The following NNMT variants were observed in gnomAD, a reference collection of about 807,000 sequenced individuals.
NNMT encodes the protein nicotinamide N-methyltransferase.
NNMT carries 10 observed loss-of-function variants against 11.7 expected under a neutral mutation model. The observed-to-expected ratio is 0.85, with a 90% CI of 0.53 to 1.45. NNMT has a LOEUF of 1.45. NNMT is among the 40% of genes most tolerant of loss of function. NNMT has a pLI of 0.00. For missense variants in NNMT, 381 were observed against 319.4 expected, an observed-to-expected ratio of 1.19 and a Z score of -1.47; for synonymous variants, 143 against 133.8, an observed-to-expected ratio of 1.07 and a Z score of -0.48.
chr11:114,300,457 G>C lies in NNMT; in HGVS notation c.362+2299G>C, dbSNP rs187706564. ...CTGCATATGGTCTATCTCAGTAAAC[G>C]TTCTATGTGCTTTCTACATTGAAAA... On this transcript the variant is annotated intron_variant, in intron 2 of 2. Coordinates refer to ENST00000299964, the MANE Select transcript of NNMT (RefSeq NM_006169.3). Among the ~76,000 whole-genome samples, 183 of 152,216 alleles carry C rather than the reference G, an allele frequency of 1.2e-3. 1 individual carries two copies. Among genetic ancestry groups the C allele is most frequent in the Non-Finnish European group, 1.7e-3 (114 of 67,996 alleles).
chr11:114,264,391 C>T (rs561950493), intron 2 of NNMT, among the ~76,000 whole-genome samples: 9 of 152,292 alleles, frequency 5.9e-5, no homozygotes, highest in African/African-American at 2.2e-4. Flanking sequence ...AGTGGTTCCA[C>T]CATGCAAAAT....
intron 1 of NNMT, among the ~76,000 whole-genome samples, chr11:114,258,944 ACTT>A: frequency 6.6e-6 from 1 of 152,154 alleles, no homozygotes. Context: ...GGCTCTCTCA[ACTT>A]CTCCTTTTTC....
chr11:114,298,105 G>C lies in NNMT; in HGVS notation c.309G>C (p.Glu103Asp), dbSNP rs546752785. The C allele has an allele frequency of 6.2e-7, 1 of 1,614,184 alleles. No individual in the cohort carries two copies. Among genetic ancestry groups the C allele is most frequent in the African/African-American group, 1.3e-5 (1 of 75,054 alleles). ...ELEKWLKKEPEAFDWSPVVTY... is the reference protein window; with the variant it reads ...ELEKWLKKEPDAFDWSPVVTY... ...AGAAGTGGCTGAAGAAAGAGCCAGAGGCCTTTGACTGGTCCCCAGTGGTGA... is the reference window on the plus strand; with the variant it reads ...AGAAGTGGCTGAAGAAAGAGCCAGACGCCTTTGACTGGTCCCCAGTGGTGA... The change falls in exon 2 of 3, where the codon GAG (glutamate) becomes GAC (aspartate). Residue 103 changes from glutamate to aspartate, a missense_variant. Coordinates refer to ENST00000299964, the MANE Select transcript of NNMT (RefSeq NM_006169.3).
At chr11:114,299,661 G>A (rs1041728425) in intron 2 of NNMT, among the ~76,000 whole-genome samples, 8 of 152,174 alleles carry the variant, frequency 5.3e-5, no homozygotes, top group African/African-American at 1.2e-4. Flanking sequence ...ATTTTTGTGC[G>A]AGAGAAGACT....
chr11:114,264,535 A>T (rs1945105968), intron 2 of NNMT, among the ~76,000 whole-genome samples: 1 of 151,982 alleles, frequency 6.6e-6, no homozygotes, highest in African/African-American at 2.4e-5. Flanking sequence ...CCAAGCAAGC[A>T]CTCCTCCAGT....
intron 1 of NNMT, chr11:114,257,911 T>C (rs1170597995): frequency 2.0e-5 from 3 of 152,822 alleles, no homozygotes; most frequent in Non-Finnish European, 4.4e-5. Context: ...GAATGGGCTT[T>C]GTGTGACCGC....
At chr11:114,286,304 A>G (rs954969811) in intron 2 of NNMT, among the ~76,000 whole-genome samples, 2 of 152,220 alleles carry the variant, frequency 1.3e-5, no homozygotes, top group Non-Finnish European at 2.9e-5. Context: ...TTCATAGAAC[A>G]TTTACATAGA....
intron 1 of NNMT, among the ~76,000 whole-genome samples, chr11:114,261,609 CA>C (rs1945081586): frequency 6.6e-6 from 1 of 150,874 alleles, no homozygotes; most frequent in South Asian, 2.1e-4. Context: ...AACAAACAAA[CA>C]AAAAGCTGCC....
chr11:114,277,323 G>A (rs1945221558), intron 2 of NNMT, among the ~76,000 whole-genome samples: 1 of 152,166 alleles, frequency 6.6e-6, no homozygotes, highest in South Asian at 2.1e-4. Flanking sequence ...AGATATAATA[G>A]GAATGCACTT....
At chr11:114,259,722 ACT>A (rs1565716663) in intron 1 of NNMT, among the ~76,000 whole-genome samples, 1 of 151,932 alleles carries the variant, frequency 6.6e-6, no homozygotes, top group African/African-American at 2.4e-5. Flanking sequence ...TTTAAACCTG[ACT>A]CTGCCGCCCT....
chr11:114,303,874 C>T (rs997107105), intron 2 of NNMT, among the ~76,000 whole-genome samples: 1 of 152,096 alleles, frequency 6.6e-6, no homozygotes, highest in African/African-American at 2.4e-5. Context: ...CCATAGCTGG[C>T]TAATTTTTTG....
intron 2 of NNMT, among the ~76,000 whole-genome samples, chr11:114,289,042 A>G (rs763407354): frequency 2.6e-5 from 4 of 152,206 alleles, no homozygotes; most frequent in Admixed American, 6.5e-5. Context: ...TGGTAAAGCC[A>G]TCTGCTCTGA....
chr11:114,283,734 A>C (rs1327605156), intron 2 of NNMT, among the ~76,000 whole-genome samples: 3 of 152,244 alleles, frequency 2.0e-5, no homozygotes, highest in Admixed American at 1.3e-4. Context: ...CTTTTTTTTC[A>C]ATTTAATAAG....
intron 2 of NNMT, among the ~76,000 whole-genome samples, chr11:114,266,982 CA>C (rs1945125521): frequency 6.6e-6 from 1 of 152,160 alleles, no homozygotes; most frequent in Non-Finnish European, 1.5e-5. Context: ...AGTTTGTTTT[CA>C]GCTGGGCACG....
intron 2 of NNMT, among the ~76,000 whole-genome samples, chr11:114,264,696 T>C (rs955499118): frequency 2.0e-5 from 3 of 152,238 alleles, no homozygotes; most frequent in East Asian, 1.9e-4. Flanking sequence ...GTTTGATCCG[T>C]GCTTCTGATG....
intron 2 of NNMT, among the ~76,000 whole-genome samples, chr11:114,290,623 G>A (rs1945328341): frequency 6.6e-6 from 1 of 152,072 alleles, no homozygotes; most frequent in Admixed American, 6.6e-5. Flanking sequence ...TATTTTTTAT[G>A]TCTATTAGAA....
upstream of NNMT, chr11:114,295,971 C>A (rs1335152858): frequency 6.6e-6 from 1 of 152,290 alleles, no homozygotes; most frequent in Non-Finnish European, 1.5e-5. Flanking sequence ...TTTAAAATTA[C>A]TCTTTCCAGA....
At chr11:114,258,607 T>C (rs1945049721) in intron 1 of NNMT, among the ~76,000 whole-genome samples, 1 of 152,236 alleles carries the variant, frequency 6.6e-6, no homozygotes. Context: ...CATCCTCTGC[T>C]TTGCTTGCTG....
At chr11:114,282,416 A>G (rs1211510136) in intron 2 of NNMT, among the ~76,000 whole-genome samples, 1 of 152,224 alleles carries the variant, frequency 6.6e-6, no homozygotes, top group East Asian at 1.9e-4. Flanking sequence ...CAAATCAACA[A>G]TAGGAAAAAG....
Sources: allele counts gnomAD v4.1 joint callset (sites outside exome capture counted in the v4.1 genomes callset), GRCh38; gene constraint gnomAD v4.1.1; transcripts MANE v1.5; gene names NCBI Gene and HGNC (gene_info 2026-07-23, HGNC 2026-07-21).